The following DOCK5 variants were observed in gnomAD, a reference collection of about 807,000 sequenced individuals.
DOCK5 encodes the protein dedicator of cytokinesis 5, also known as dedicator of cytokinesis protein 5.
DOCK5 carries 142 observed loss-of-function variants against 251.8 expected under a neutral mutation model. The observed-to-expected ratio is 0.56, with a 90% CI of 0.49 to 0.65. DOCK5 has a LOEUF of 0.65. Among genes scored for constraint, DOCK5 ranks in the 30% least tolerant of loss-of-function variants. The pLI is 0.00. For missense variants in DOCK5, 2,111 were observed against 2,312.3 expected, an observed-to-expected ratio of 0.91 and a Z score of 1.79; for synonymous variants, 842 against 835.5, an observed-to-expected ratio of 1.01 and a Z score of -0.13.
chr8:25,220,026 T>A (rs115625226), intron 1 of DOCK5, among the ~76,000 whole-genome samples: 1 of 146,514 alleles, frequency 6.8e-6, no homozygotes, highest in South Asian at 2.1e-4. Flanking sequence ...TTTTGTCTAT[T>A]GTCCTTCTCT....
chr8:25,372,748 G>C (rs1488833537), intron 35 of DOCK5, 30 bp downstream of exon 35: 1 of 1,595,806 alleles, frequency 6.3e-7, no homozygotes, highest in East Asian at 2.3e-5. Context: ...TGTGATGGGA[G>C]GGTACTGTCA....
At chr8:25,247,091 A>AGTTGCTCAGGCTGATCCCAAACTC (rs1471321344) in intron 2 of DOCK5, among the ~76,000 whole-genome samples, 2 of 151,948 alleles carry the variant, frequency 1.3e-5, no homozygotes, top group African/African-American at 2.4e-5. Context: ...GGTCTCACCA[A>AGTTGCTCAGGCTGATCCCAAACTC]GTTGCTCAGG....
At chr8:25,215,553 C>T (rs534001864) in intron 1 of DOCK5, among the ~76,000 whole-genome samples, 12 of 152,194 alleles carry the variant, frequency 7.9e-5, no homozygotes, top group African/African-American at 2.9e-4. Context: ...AGGACAGTGA[C>T]TCTCGGGAGG....
chr8:25,370,803 G>C (rs1800859938), intron 34 of DOCK5, among the ~76,000 whole-genome samples: 1 of 151,964 alleles, frequency 6.6e-6, no homozygotes, highest in African/African-American at 2.4e-5. Context: ...ACCATGCCCA[G>C]CTGGTTTTCA....
At chr8:25,316,976 C>A in intron 13 of DOCK5, 31 bp from the exon 14 acceptor site, 1 of 1,611,706 alleles carries the variant, frequency 6.2e-7, no homozygotes, top group Non-Finnish European at 8.5e-7. Flanking sequence ...CTTCTCTCAG[C>A]AACACTCACA....
chr8:25,238,188 T>C (rs986282049), intron 1 of DOCK5, among the ~76,000 whole-genome samples: 1 of 152,170 alleles, frequency 6.6e-6, no homozygotes, highest in Non-Finnish European at 1.5e-5. Flanking sequence ...GCTCTTCTCT[T>C]TGTTTCTGGG....
chr8:25,261,265 A>G (rs910128591), intron 2 of DOCK5, among the ~76,000 whole-genome samples: 2 of 152,182 alleles, frequency 1.3e-5, no homozygotes, highest in Non-Finnish European at 2.9e-5. Context: ...ACACGGAGAC[A>G]TTGAATACCC....
chr8:25,396,475 A>G (rs1310210703), intron 45 of DOCK5, among the ~76,000 whole-genome samples: 2 of 152,186 alleles, frequency 1.3e-5, no homozygotes, highest in African/African-American at 4.8e-5. Context: ...TAGTTGAGAC[A>G]TGAAAGCAGT....
chr8:25,221,522 T>C (rs1028118747), intron 1 of DOCK5, among the ~76,000 whole-genome samples: 4 of 152,140 alleles, frequency 2.6e-5, no homozygotes, highest in Non-Finnish European at 4.4e-5. Context: ...TTGGCCAGGA[T>C]GGTCTCAATC....
intron 33 of DOCK5, among the ~76,000 whole-genome samples, chr8:25,369,114 G>C (rs1800828898): frequency 6.6e-6 from 1 of 152,184 alleles, no homozygotes. Context: ...CTGTAGCTTT[G>C]AGAATGTCAT....
intron 22 of DOCK5, 31 bp from the exon 23 acceptor site, chr8:25,340,846 G>A (rs749633898): frequency 1.9e-6 from 3 of 1,581,982 alleles, no homozygotes; most frequent in Non-Finnish European, 2.6e-6. Context: ...ACAATGGAAA[G>A]TCCAACTGCT....
intron 25 of DOCK5, among the ~76,000 whole-genome samples, chr8:25,344,644 T>C (rs1210490718): frequency 1.3e-5 from 2 of 152,142 alleles, no homozygotes; most frequent in African/African-American, 2.4e-5. Context: ...CACTTTGAAA[T>C]TGCAAATGTT....
In DOCK5 at chr8:25,351,825, T is replaced by A; in HGVS notation, c.2849T>A (p.Ile950Asn). 6.2e-7 allele frequency: 1 copy of A among 1,613,266 alleles called. No individual in the cohort carries two copies. Among genetic ancestry groups the A allele is most frequent in the Non-Finnish European group, 8.5e-7 (1 of 1,179,502 alleles). ...GGGATGAACCGGCAGTCTCCCCACA[T>A]CGTGAGTATCTCTTTGTTGGATCCC... Reference protein sequence around the residue: ...VIGMNRQSPHIGSFVACMIAL... With the variant: ...VIGMNRQSPHNGSFVACMIAL... Residue 950 changes from isoleucine (I) to asparagine (N), a missense_variant and splice_region_variant, in exon 27 of 52, where the codon ATC (isoleucine) becomes AAC (asparagine). This residue lies in a region of DOCK5 where 1,717 missense variants were observed against 1,892.4 expected (regional missense o/e 0.91). Transcript: ENST00000276440.
intron 1 of DOCK5, among the ~76,000 whole-genome samples, chr8:25,207,444 G>A (rs1802027247): frequency 6.6e-6 from 1 of 152,150 alleles, no homozygotes; most frequent in South Asian, 2.1e-4. Context: ...GGGCATCAAA[G>A]GATAGGCTGA....
intron 8 of DOCK5, chr8:25,299,522 T>C (rs79336933): frequency 0.015 from 2,378 of 155,118 alleles, 67 homozygotes; most frequent in African/African-American, 0.055. Flanking sequence ...GGAACCCTTA[T>C]GTAAACTGTG....
chr8:25,314,175 A>G (rs1213170306), intron 13 of DOCK5, among the ~76,000 whole-genome samples: 1 of 130,736 alleles, frequency 7.6e-6, no homozygotes, highest in Non-Finnish European at 1.5e-5. Context: ...TAGTTGTGTG[A>G]TGATAGCTCA....
chr8:25,286,686 T>G (rs575845236), intron 5 of DOCK5, among the ~76,000 whole-genome samples: 23 of 151,884 alleles, frequency 1.5e-4, no homozygotes, highest in African/African-American at 5.1e-4. Context: ...TTTTCAGAGA[T>G]AGGGTCTCGT....
intron 4 of DOCK5, chr8:25,277,346 GGCC>G (rs1804068908): frequency 6.6e-6 from 1 of 152,608 alleles, no homozygotes; most frequent in East Asian, 1.9e-4. Context: ...GTTACCAAAG[GGCC>G]TTATTTTCAT....
chr8:25,231,057 ATTTCCTCC>A (rs1256734391), intron 1 of DOCK5, among the ~76,000 whole-genome samples: 1 of 151,684 alleles, frequency 6.6e-6, no homozygotes, highest in Non-Finnish European at 1.5e-5. Flanking sequence ...AGTGTGTTTC[ATTTCCTCC>A]TTTTTTTTCT....
Sources: allele counts gnomAD v4.1 joint callset (sites outside exome capture counted in the v4.1 genomes callset), GRCh38; gene constraint gnomAD v4.1.1; regional missense constraint gnomAD v4.1.1; transcripts MANE v1.5; gene names NCBI Gene and HGNC (gene_info 2026-07-23, HGNC 2026-07-21).